Variants in SUMF1 observed in about 807,000 individuals in gnomAD.
SUMF1 encodes the protein formylglycine-generating enzyme.
In SUMF1, 48 loss-of-function variants were observed where a neutral mutation model predicts 47.6. The observed-to-expected ratio is 1.01, with a 90% CI of 0.80 to 1.28. The LOEUF (loss-of-function observed/expected upper bound fraction) is 1.28. SUMF1 is among the 50% of genes most tolerant of loss of function. The probability of loss-of-function intolerance (pLI) is 0.00; values close to 1 mark genes in which losing one functional copy is unlikely to be tolerated. For missense variants in SUMF1, 571 were observed against 485.4 expected (o/e 1.18, Z -1.66); for synonymous variants, 230 against 192.1 (o/e 1.20, Z -1.63).
intron 1 of SUMF1, among the ~76,000 whole-genome samples, chr3:4,461,333 A>G (rs1219025957): frequency 6.6e-6 from 1 of 152,214 alleles, no homozygotes; most frequent in African/African-American, 2.4e-5. Flanking sequence ...GCAGCTCTAC[A>G]AAGAAGTAGA....
chr3:4,351,353 G>A (rs1394449409), intron 8 of SUMF1, among the ~76,000 whole-genome samples: 2 of 152,214 alleles, frequency 1.3e-5, no homozygotes, highest in African/African-American at 2.4e-5. Flanking sequence ...ACAGAGTTAG[G>A]AGAAGCAAGT....
At chr3:4,158,667 T>C (rs1416328446) in intron 8 of SUMF1, among the ~76,000 whole-genome samples, 2 of 151,570 alleles carry the variant, frequency 1.3e-5, no homozygotes, top group Non-Finnish European at 2.9e-5. Context: ...GCTCCAGTGT[T>C]GGCTGCATAT....
intron 7 of SUMF1, among the ~76,000 whole-genome samples, chr3:4,399,633 C>A (rs539400699): frequency 6.6e-6 from 1 of 152,336 alleles, no homozygotes; most frequent in South Asian, 2.1e-4. Context: ...AAAAAACAAT[C>A]TGTCCAGGGA....
intron 8 of SUMF1, among the ~76,000 whole-genome samples, chr3:4,309,347 C>T (rs141868170): frequency 6.6e-6 from 1 of 152,126 alleles, no homozygotes; most frequent in Admixed American, 6.5e-5. Flanking sequence ...TTGGAATGCC[C>T]TTGCTGAGAG....
chr3:4,413,127 C>T (rs1425317283), intron 6 of SUMF1, among the ~76,000 whole-genome samples: 3 of 152,038 alleles, frequency 2.0e-5, no homozygotes, highest in African/African-American at 7.2e-5. Context: ...AGCTCAGCCT[C>T]CCGAGTAGCT....
In SUMF1 at chr3:4,410,781, G is replaced by A. The variant is rs564008679; in HGVS notation, c.954+84C>T. The A allele has an allele frequency of 3.8e-5, 46 of 1,218,128 alleles. No individual in the cohort carries two copies. The East Asian group carries it at 5.6e-4, about 15-fold the overall frequency. 75.5% of individuals were successfully genotyped at this position (1,218,128 alleles called of 1,614,324 possible). A position where few individuals can be genotyped will look rare whatever the true frequency, so the allele number is the denominator to read the frequency against. On this transcript the variant is annotated intron_variant, in intron 7 of 8. Coordinates refer to ENST00000272902, the MANE Select transcript of SUMF1 (RefSeq NM_182760.4). ...TTTCCAGAGTATGTAAATACCCCTC[G>A]GAAACACATGACAGCCTGGCTGCAG...
intron 9 of SUMF1, among the ~76,000 whole-genome samples, chr3:4,050,115 G>A (rs1695079972): frequency 6.6e-6 from 1 of 151,896 alleles, no homozygotes; most frequent in Non-Finnish European, 1.5e-5. Context: ...CAGGATAGGG[G>A]CTGTGGTGAG....
chr3:4,355,399 G>A (rs753683318), intron 8 of SUMF1, among the ~76,000 whole-genome samples: 9 of 152,096 alleles, frequency 5.9e-5, no homozygotes, highest in Non-Finnish European at 7.4e-5. Context: ...AGATTAAAAC[G>A]ACATCCTTCC....
intron 8 of SUMF1, among the ~76,000 whole-genome samples, chr3:4,369,805 G>A (rs1386988598): frequency 6.6e-6 from 1 of 152,120 alleles, no homozygotes; most frequent in Non-Finnish European, 1.5e-5. Context: ...GATGCTACAG[G>A]CCCATGGGCC....
At chr3:4,170,700 T>A (rs1694814260) in intron 8 of SUMF1, among the ~76,000 whole-genome samples, 1 of 152,070 alleles carries the variant, frequency 6.6e-6, no homozygotes, top group Non-Finnish European at 1.5e-5. Context: ...GAACTAAACT[T>A]TGACAAGGTG....
intron 8 of SUMF1, among the ~76,000 whole-genome samples, chr3:4,304,798 C>T (rs1448964869): frequency 6.6e-6 from 1 of 151,966 alleles, no homozygotes; most frequent in East Asian, 1.9e-4. Flanking sequence ...TATTCTGAGC[C>T]AAATATGAGT....
intron 8 of SUMF1, among the ~76,000 whole-genome samples, chr3:4,192,746 C>A (rs141868539): frequency 3.8e-4 from 58 of 152,212 alleles, no homozygotes; most frequent in African/African-American, 1.2e-3. Context: ...GTTAGGCCAA[C>A]CTCCAGGAAG....
chr3:4,220,736 C>T (rs1696042825), intron 8 of SUMF1, among the ~76,000 whole-genome samples: 1 of 152,108 alleles, frequency 6.6e-6, no homozygotes, highest in African/African-American at 2.4e-5. Context: ...TTCCACTCTT[C>T]CTTCTGGGGC....
chr3:4,100,322 G>T (rs1000140319), intron 8 of SUMF1, among the ~76,000 whole-genome samples: 2 of 151,906 alleles, frequency 1.3e-5, no homozygotes, highest in Admixed American at 1.3e-4. Context: ...AAATGGCATA[G>T]GACTGGCATA....
chr3:4,252,371 C>A (rs987866921), intron 8 of SUMF1, among the ~76,000 whole-genome samples: 1 of 142,522 alleles, frequency 7.0e-6, no homozygotes, highest in Admixed American at 6.9e-5. Context: ...CACACACACA[C>A]ACACACACCC....
intron 8 of SUMF1, among the ~76,000 whole-genome samples, chr3:4,311,477 A>G (rs1180776697): frequency 1.3e-5 from 2 of 152,228 alleles, no homozygotes; most frequent in African/African-American, 4.8e-5. Context: ...GGGGACCAGA[A>G]TAAAAAACAG....
At chr3:4,254,056 T>A (rs1216045287) in intron 8 of SUMF1, among the ~76,000 whole-genome samples, 6 of 151,298 alleles carry the variant, frequency 4.0e-5, no homozygotes, top group Non-Finnish European at 1.5e-5. Flanking sequence ...GAGGGTCCTG[T>A]CTGTTAGAAG....
At chr3:4,385,478 G>GT (rs1160270103) in intron 7 of SUMF1, among the ~76,000 whole-genome samples, 2 of 152,006 alleles carry the variant, frequency 1.3e-5, no homozygotes, top group Non-Finnish European at 2.9e-5. Context: ...GGATTGTTCG[G>GT]TTTTTTACTG....
At chr3:4,385,826 G>A (rs1395476254) in intron 7 of SUMF1, among the ~76,000 whole-genome samples, 1 of 152,190 alleles carries the variant, frequency 6.6e-6, no homozygotes, top group African/African-American at 2.4e-5. Flanking sequence ...GACTAAGGTA[G>A]AGGTTCATTT....
Sources: gnomAD v4.1 joint callset for allele counts (sites outside exome capture counted in the v4.1 genomes callset) on GRCh38, gnomAD v4.1.1 for gene constraint, MANE v1.5 for transcripts, NCBI Gene and HGNC (gene_info 2026-07-23, HGNC 2026-07-21) for gene names.